The following IVNS1ABP variants were observed in gnomAD, a reference collection of about 807,000 sequenced individuals.
The protein encoded by IVNS1ABP is influenza virus NS1A-binding protein.
In IVNS1ABP, 25 loss-of-function variants were observed where a neutral mutation model predicts 78.9. That is an observed-to-expected ratio of 0.32 (90% CI 0.23 to 0.44). IVNS1ABP has a LOEUF of 0.44. Among genes scored for constraint, IVNS1ABP ranks in the 20% least tolerant of loss-of-function variants. The pLI is 1.00. For synonymous variants in IVNS1ABP, 241 were observed against 259.7 expected (o/e 0.93, Z 0.69); for missense variants, 494 against 768.9 (o/e 0.64, Z 4.23).
At position 185,299,813 on chromosome 1, in the gene IVNS1ABP, A is replaced by C; in HGVS notation, c.1572T>G (p.Asn524Lys). 1 of 1,613,664 alleles carries C rather than the reference A, an allele frequency of 6.2e-7. No homozygotes were observed. Among genetic ancestry groups the C allele is most frequent in the Non-Finnish European group, 8.5e-7 (1 of 1,179,776 alleles). ...TGTATCGTTCTACTGTGTTCAGACA[A>C]TTCCAAGATTCTGCACCTCCGATTA... is the stretch of plus-strand genomic sequence containing the variant. ...LYIIGGAESW[N>K]CLNTVERYNP... is the part of the protein sequence containing the mutation. The change falls in exon 14 of 15, where the codon AAT becomes AAG. Residue 524 changes from asparagine (N) to lysine (K), a missense_variant. Physicochemically the swap from Asn to Lys is moderately conservative, Grantham distance 94. Coordinates refer to ENST00000367498, the MANE Select transcript of IVNS1ABP (RefSeq NM_006469.5).
Position 185,311,303 on chromosome 1 carries a change from T to C in IVNS1ABP, c.-227A>G, listed in dbSNP as rs745531740. ...AAGCTATAGACACGAATTTCTTCTG[T>C]GATAATGATGCATCATAATCTATAA... On this transcript the variant is annotated 5_prime_UTR_variant, in exon 2 of 15. Transcript: ENST00000367498. 4.3e-5 allele frequency: 17 copies of C among 398,030 alleles called. No individual in the cohort carries two copies. In the Middle Eastern group the frequency reaches 2.5e-3, roughly 59 times the overall value. 24.7% of individuals were successfully genotyped at this position (398,030 alleles called of 1,614,324 possible).
rs149398798 is a variant in IVNS1ABP, at chr1:185,300,877, G to A, written c.1120+95C>T. The A allele has an allele frequency of 7.2e-5, 65 of 903,326 alleles. 1 individual carries two copies. In the African/African-American group the frequency reaches 9.0e-4, roughly 12 times the overall value. The allele number at this position is 903,326 out of a possible 1,614,324, so 56.0% of individuals were successfully genotyped here. A position where few individuals can be genotyped will look rare whatever the true frequency, so the allele number is the denominator to read the frequency against. On this transcript the variant is annotated intron_variant, in intron 10 of 14. Transcript: ENST00000367498. ...TATTTCCCTATCTTATTGGATTGCC[G>A]TGAAAGATGGCATATTAAACCCTCT...
At position 185,299,896 on chromosome 1, in the gene IVNS1ABP, T is replaced by C. The variant is rs1390070056; in HGVS notation, c.1502-13A>G. ...GACTGGTGTCTCCCTACAAGAAAAG[T>C]CAAGTCAAGATTATTGCTACATCTC... On this transcript the variant is annotated splice_polypyrimidine_tract_variant and intron_variant, in intron 13 of 14. Transcript: ENST00000367498. 16 of 1,613,114 alleles carry C rather than the reference T, an allele frequency of 9.9e-6. No individual in the cohort carries two copies. Among genetic ancestry groups the C allele is most frequent in the Non-Finnish European group, 1.4e-5 (16 of 1,179,668 alleles).
chr1:185,309,120 G>T lies in IVNS1ABP; in HGVS notation c.164C>A (p.Pro55His). Reference sequence around the variant, plus strand: ...ACTATTAAAGATTTCAAATAAATAGGGACTGCAGCAAGCTAGCACTGCTCT... The same window carrying T: ...ACTATTAAAGATTTCAAATAAATAGTGACTGCAGCAAGCTAGCACTGCTCT... ...AHRAVLACCS[P>H]YLFEIFNSDS... Residue 55 changes from proline to histidine, a missense_variant, in exon 4 of 15, where the codon CCC (proline) becomes CAC (histidine). Coordinates refer to ENST00000367498, the MANE Select transcript of IVNS1ABP (RefSeq NM_006469.5). The T allele has an allele frequency of 6.2e-7, 1 of 1,612,202 alleles. No individual in the cohort carries two copies.
chr1:185,306,949 A>G (rs763362024), intron 7 of IVNS1ABP, 65 bp downstream of exon 7: 1 of 1,528,602 alleles, frequency 6.5e-7, no homozygotes, highest in Non-Finnish European at 9.0e-7. Context: ...AGTGAAAGGG[A>G]ATCCTTCATG....
At chr1:185,308,025 C>A in intron 5 of IVNS1ABP, 1 of 1,549,112 alleles carries the variant, frequency 6.5e-7, no homozygotes, top group Non-Finnish European at 8.7e-7. Context: ...ATGCTGCAAA[C>A]AATTTAATTT....
At position 185,307,078 on chromosome 1, in the gene IVNS1ABP, A is replaced by G; in HGVS notation, c.593T>C (p.Val198Ala). The G allele has an allele frequency of 6.2e-7, 1 of 1,613,388 alleles. No individual in the cohort carries two copies. Among genetic ancestry groups the G allele is most frequent in the Non-Finnish European group, 8.5e-7 (1 of 1,179,450 alleles). ...GATGCTACGCTGCACCCAGTTGATT[A>G]CCTTTGTATATAATTTGCCATTGCT... ...LPSNGKLYTK[V>A]INWVQRSIWE... is the part of the protein sequence containing the mutation. The change falls in exon 7 of 15, where the codon GTA (valine) becomes GCA (alanine). Residue 198 changes from valine to alanine, a missense_variant. By Grantham distance (64) the Val-to-Ala change is moderately conservative (BLOSUM62 0). Coordinates refer to ENST00000367498, the MANE Select transcript of IVNS1ABP (RefSeq NM_006469.5).
Position 185,305,428 on chromosome 1 carries a change from A to C in IVNS1ABP, c.765+108T>G. On this transcript the variant is annotated intron_variant, in intron 8 of 14. Transcript: ENST00000367498. The surrounding 1 kb of genome is among the most constrained non-coding windows in gnomAD (Gnocchi z 4.0). Reference sequence around the variant, plus strand: ...CCCAAAAATGTTTCTGTCCAGTTATACCAATGAAATTGGTCCACTTTCCTT... The same window carrying C: ...CCCAAAAATGTTTCTGTCCAGTTATCCCAATGAAATTGGTCCACTTTCCTT... 1 of 1,170,884 alleles carries C rather than the reference A, an allele frequency of 8.5e-7. No individual in the cohort carries two copies. The highest frequency in any genetic ancestry group is 2.6e-5 in the East Asian group (1 of 39,134). 72.5% of individuals were successfully genotyped at this position (1,170,884 alleles called of 1,614,324 possible).
chr1:185,308,723 G>T, intron 5 of IVNS1ABP, 77 bp downstream of exon 5: 1 of 1,074,394 alleles, frequency 9.3e-7, no homozygotes, highest in Non-Finnish European at 1.4e-6. Flanking sequence ...CTAACAAGAT[G>T]TTTTATGACA....
intron 9 of IVNS1ABP, 67 bp from the exon 10 acceptor site, chr1:185,301,263 A>G (rs1373889442): frequency 3.5e-6 from 5 of 1,444,952 alleles, no homozygotes; most frequent in Non-Finnish European, 4.8e-6. Context: ...ATGATCCTGA[A>G]TTGGACTCCA....
chr1:185,308,742 A>G lies in IVNS1ABP; in HGVS notation c.357+58T>C, dbSNP rs879245025. The G allele has an allele frequency of 2.3e-5, 29 of 1,241,352 alleles. No individual in the cohort carries two copies. In the South Asian group the frequency reaches 3.3e-4, roughly 14 times the overall value. The allele number at this position is 1,241,352 out of a possible 1,614,324, so 76.9% of individuals were successfully genotyped here. A position where few individuals can be genotyped will look rare whatever the true frequency, so the allele number is the denominator to read the frequency against. On this transcript the variant is annotated intron_variant, in intron 5 of 14. Transcript: ENST00000367498. ...CAAGATGTTTTATGACAAATTCAGC[A>G]TTGCAATCACACAAAATAAGACTCC... is the stretch of plus-strand genomic sequence containing the variant.
At chr1:185,316,349 C>A (rs1666021313) in intron 1 of IVNS1ABP, among the ~76,000 whole-genome samples, 1 of 152,174 alleles carries the variant, frequency 6.6e-6, no homozygotes, top group African/African-American at 2.4e-5. Context: ...CTTCTCCCCG[C>A]GCTTGGCAAG....
chr1:185,314,498 A>G (rs771477859), intron 1 of IVNS1ABP, among the ~76,000 whole-genome samples: 4 of 152,260 alleles, frequency 2.6e-5, no homozygotes, highest in African/African-American at 4.8e-5. Context: ...TTCAGTTTCA[A>G]TAGATTGTAG....
chr1:185,311,875 T>C (rs909464734), intron 1 of IVNS1ABP, among the ~76,000 whole-genome samples: 3 of 152,202 alleles, frequency 2.0e-5, no homozygotes, highest in African/African-American at 7.2e-5. Context: ...ATGCTCCCAG[T>C]TGGGAAGCAG....
chr1:185,311,769 GCT>G (rs1665890941), intron 1 of IVNS1ABP, among the ~76,000 whole-genome samples: 1 of 152,066 alleles, frequency 6.6e-6, no homozygotes, highest in Admixed American at 6.6e-5. Context: ...CACTTCCCAG[GCT>G]CTGTTAACTT....
At chr1:185,302,643 G>A (rs1665631572) in intron 8 of IVNS1ABP, among the ~76,000 whole-genome samples, 1 of 152,064 alleles carries the variant, frequency 6.6e-6, no homozygotes, top group African/African-American at 2.4e-5. Flanking sequence ...GCCTGAGTGT[G>A]GTTACAACAT....
At chr1:185,308,150 A>T in intron 5 of IVNS1ABP, 1 of 1,205,990 alleles carries the variant, frequency 8.3e-7, no homozygotes, top group Non-Finnish European at 1.1e-6. Flanking sequence ...ATTTTTGAAC[A>T]AAGGAGTGGT....
Position 185,317,056 on chromosome 1 carries a change from C to T in IVNS1ABP, c.-350G>A. On this transcript the variant is annotated 5_prime_UTR_variant, in exon 1 of 15. Coordinates refer to ENST00000367498, the MANE Select transcript of IVNS1ABP (RefSeq NM_006469.5). ...CCCAACGGAAAGCGCCAGAAGGCGG[C>T]GGAAGACGGGAGCGGTCAAGTAGAA... 1 of 398,876 alleles carries T rather than the reference C, an allele frequency of 2.5e-6. No individual in the cohort carries two copies. The highest frequency in any genetic ancestry group is 4.4e-6 in the Non-Finnish European group (1 of 226,340). The allele number at this position is 398,876 out of a possible 1,614,324, so 24.7% of individuals were successfully genotyped here.
Position 185,312,012 on chromosome 1 carries a change from T to C in IVNS1ABP, c.-246-690A>G, listed in dbSNP as rs1261316238. Among the ~76,000 whole-genome samples, 3 of 152,226 alleles carry C rather than the reference T, an allele frequency of 2.0e-5. No individual in the cohort carries two copies. The East Asian group carries it at 5.8e-4, about 29-fold the overall frequency. ...ATACTTGTTTATCTTCCTTGACTCA[T>C]GGGCAAACCTTCTGTCTTGTTCATC... On this transcript the variant is annotated intron_variant, in intron 1 of 14. Transcript: ENST00000367498.
Sources: allele counts gnomAD v4.1 joint callset (sites outside exome capture counted in the v4.1 genomes callset), GRCh38; gene constraint gnomAD v4.1.1; non-coding constraint Gnocchi (gnomAD v3.1); transcripts MANE v1.5; gene names NCBI Gene and HGNC (gene_info 2026-07-23, HGNC 2026-07-21).